Variants in NBPF12 observed in about 807,000 individuals in gnomAD.
NBPF12 encodes NBPF family member NBPF12.
In NBPF12, 115 loss-of-function variants were observed where a neutral mutation model predicts 146.4. The ratio of observed to expected loss-of-function variants is 0.79; its 90% CI spans 0.68 to 0.92. The LOEUF (loss-of-function observed/expected upper bound fraction) is 0.92, where lower values mean the gene tolerates loss of function less well. Among genes scored for constraint, NBPF12 ranks in the 40% least tolerant of loss-of-function variants. The pLI, the probability that NBPF12 is intolerant of heterozygous loss-of-function variation, is 0.00. For synonymous variants in NBPF12, 385 were observed against 508.9 expected (o/e 0.76, Z 3.28); for missense variants, 1,205 against 1,326.8 (o/e 0.91, Z 1.43).
At chr1:146,948,198 A>G (rs1358054511), upstream of NBPF12, among the ~76,000 whole-genome samples, 2 of 151,774 alleles carry the variant, frequency 1.3e-5, no homozygotes, top group Non-Finnish European at 2.9e-5. Context: ...TTTGGTAGAG[A>G]CAGGGTTTCT....
chr1:146,972,566 TGA>T (rs1326589304), intron 13 of NBPF12, among the ~76,000 whole-genome samples, 183 bp from the exon 17 acceptor site: 4 of 151,514 alleles, frequency 2.6e-5, no homozygotes, highest in Non-Finnish European at 5.9e-5. Context: ...GGTTTCAAGG[TGA>T]CTGCATAGCT....
chr1:146,971,069 T>A, intron 12 of NBPF12, 114 bp from the exon 16 acceptor site: 3 of 1,549,938 alleles, frequency 1.9e-6, no homozygotes, highest in Non-Finnish European at 2.7e-6. Flanking sequence ...AACCTCCATT[T>A]TGCTTTCTGG....
chr1:146,982,500 A>G (rs1473614041), intron 19 of NBPF12, among the ~76,000 whole-genome samples: 1 of 151,694 alleles, frequency 6.6e-6, no homozygotes, highest in Non-Finnish European at 1.5e-5. Flanking sequence ...AAGTAAATAT[A>G]TTATATCAAA....
chr1:146,969,338 T>C, intron 10 of NBPF12, 44 bp from the exon 14 acceptor site: 2 of 754,040 alleles, frequency 2.7e-6, no homozygotes, highest in Non-Finnish European at 4.6e-6. Context: ...AACGGATCAC[T>C]CAACCCTTTC....
intron 10 of NBPF12, among the ~76,000 whole-genome samples, 185 bp from the exon 14 acceptor site, chr1:146,969,197 A>T (rs1453884143): frequency 6.6e-6 from 1 of 151,386 alleles, no homozygotes; most frequent in Non-Finnish European, 1.5e-5. Flanking sequence ...GCCCTCTCTG[A>T]TACAGAGGAA....
chr1:146,967,497 A>T lies in NBPF12; in HGVS notation c.988+824A>T, dbSNP rs1656282639. On this transcript the variant is annotated intron_variant, in intron 9 of 33. Coordinates refer to ENST00000617844, the Ensembl canonical transcript of NBPF12. ...GCCTGGGTGACAGGGCAAGACTGTT[A>T]AAAAAAAATAATAATGATAAATAAA... 2.0e-5 allele frequency among the ~76,000 whole-genome samples: 3 copies of T among 147,988 alleles called. No homozygotes were observed. The Middle Eastern group carries it at 0.01, about 507-fold the overall frequency.
chr1:146,974,894 G>A, intron 15 of NBPF12, 53 bp downstream of exon 18: 3 of 1,085,438 alleles, frequency 2.8e-6, no homozygotes, highest in Non-Finnish European at 3.9e-6. Flanking sequence ...AATCTCTGAA[G>A]TACAGTAGCT....
chr1:146,942,233 C>A (rs1654842279), intron 1 of NBPF12, among the ~76,000 whole-genome samples: 1 of 151,626 alleles, frequency 6.6e-6, no homozygotes, highest in South Asian at 2.1e-4. Context: ...AGTTGATTGT[C>A]ACACCTTGGC....
intron 13 of NBPF12, among the ~76,000 whole-genome samples, chr1:146,972,529 A>G (rs1405862447): frequency 1.3e-5 from 2 of 151,696 alleles, no homozygotes; most frequent in Non-Finnish European, 2.9e-5. Flanking sequence ...CTTATAAGCA[A>G]GAAAAGTGTA....
At chr1:146,941,866 A>ATTTT (rs1187076809) in intron 1 of NBPF12, among the ~76,000 whole-genome samples, 2 of 146,114 alleles carry the variant, frequency 1.4e-5, no homozygotes, top group African/African-American at 5.2e-5. Context: ...TAGTTTTTGC[A>ATTTT]TTTTTTTTTT....
At chr1:146,954,215 C>T (rs1476104280) in intron 2 of NBPF12, among the ~76,000 whole-genome samples, 2 of 149,490 alleles carry the variant, frequency 1.3e-5, no homozygotes, top group Non-Finnish European at 3.0e-5. Flanking sequence ...CACAGTGAAA[C>T]CCCATCTCTA....
At chr1:146,962,988 G>C (rs1174265738) in intron 5 of NBPF12, 107 bp from the exon 9 acceptor site, 6 of 827,320 alleles carry the variant, frequency 7.3e-6, no homozygotes, top group Admixed American at 2.1e-5. Context: ...CTGACCTTCT[G>C]CTTGAAGGTC....
exon 9 of NBPF12, chr1:146,966,537 A>G (rs1656222169): frequency 3.4e-6 from 5 of 1,465,706 alleles, no homozygotes; most frequent in East Asian, 4.5e-5. Flanking sequence ...GCGAGAAGGC[A>G]GAGATGAACA....
intron 8 of NBPF12, 34 bp from the exon 12 acceptor site, chr1:146,966,430 T>C: frequency 7.5e-7 from 1 of 1,336,298 alleles, no homozygotes; most frequent in Non-Finnish European, 1.1e-6. Context: ...CACCAGTTTT[T>C]AACCCATCAT....
chr1:146,962,608 TCTGA>T (rs1314542373), intron 5 of NBPF12, among the ~76,000 whole-genome samples: 2 of 151,566 alleles, frequency 1.3e-5, no homozygotes, highest in Non-Finnish European at 2.9e-5. Flanking sequence ...AGAATCACCT[TCTGA>T]CTGACTGCGT....
rs1387399275 is a variant in NBPF12 at position 146,964,953 on chromosome 1, C to T, written c.627C>T (p.Ile209=). 6 of 1,608,270 alleles carry T rather than the reference C, an allele frequency of 3.7e-6. No individual in the cohort carries two copies. In the South Asian group the frequency reaches 4.4e-5, roughly 12 times the overall value. ...AGGACTCACTGGAGGAATGTGCCAT[C>T]ACTTGTTCAAATAGCCACGGCCCTT... Residue 209 remains isoleucine, a synonymous_variant, in exon 8 of 34, where the codon ATC becomes ATT. Coordinates refer to ENST00000617844, the Ensembl canonical transcript of NBPF12.
chr1:146,994,320 C>G lies in NBPF12; in HGVS notation c.4131-12C>G. ...TCCCTGGCTGCTTCTTTAGTTTTGT[C>G]TCCTTTTCCAGGCTCAACAGCGTGC... On this transcript the variant is annotated splice_polypyrimidine_tract_variant and intron_variant, in intron 33 of 33. Transcript: ENST00000617844. The G allele has an allele frequency of 6.2e-7, 1 of 1,611,516 alleles. No individual in the cohort carries two copies. Among genetic ancestry groups the G allele is most frequent in the East Asian group, 2.2e-5 (1 of 44,856 alleles).
intron 5 of NBPF12, among the ~76,000 whole-genome samples, chr1:146,962,496 G>A (rs1220408048): frequency 6.6e-6 from 1 of 151,946 alleles, no homozygotes; most frequent in African/African-American, 2.4e-5. Context: ...TTGTTGAGGT[G>A]AAATTTACAT....
upstream of NBPF12, among the ~76,000 whole-genome samples, chr1:146,948,331 A>G (rs1334632479): frequency 2.6e-5 from 4 of 151,950 alleles, no homozygotes; most frequent in East Asian, 3.9e-4. Flanking sequence ...AAAGAAAGAG[A>G]GATCAGATTG....
Sources: gnomAD v4.1 joint callset for allele counts (sites outside exome capture counted in the v4.1 genomes callset) on GRCh38, gnomAD v4.1.1 for gene constraint, MANE v1.5 for transcripts, NCBI Gene and HGNC (gene_info 2026-07-23, HGNC 2026-07-21) for gene names.